The following CA12 variants were observed in gnomAD, a reference collection of about 807,000 sequenced individuals.
CA12 encodes the protein carbonate dehydratase XII.
Under a neutral mutation model 46.8 loss-of-function variants are expected in CA12, and 36 were observed. That is an observed-to-expected ratio of 0.77 (90% CI 0.59 to 1.02). CA12 has a LOEUF of 1.02. Among genes scored for constraint, CA12 ranks in the 50% least tolerant of loss-of-function variants. The pLI is 0.00. For synonymous variants in CA12, 202 were observed against 187.0 expected (o/e 1.08, Z -0.65); for missense variants, 436 against 451.4 (o/e 0.97, Z 0.31).
Position 63,330,654 on chromosome 15 carries a change from CAA to C in CA12, c.875-2526_875-2525del, listed in dbSNP as rs2038926380. The stretch of plus-strand genomic sequence containing the variant: ...TCATGCCTGGTCTTGGGGAGCTGAG[CAA>C]AGTCTATGGAGAGCAAGGCCCCAGC... On this transcript the variant is annotated intron_variant, in intron 8 of 10. Transcript: ENST00000178638. The surrounding 1 kb of genome is among the most constrained non-coding windows in gnomAD (Gnocchi z 4.0). Among the ~76,000 whole-genome samples the C allele has an allele frequency of 6.6e-6, 1 of 152,128 alleles. No homozygotes were observed. Among genetic ancestry groups the C allele is most frequent in the African/African-American group, 2.4e-5 (1 of 41,424 alleles).
chr15:63,326,738 G>T (rs935058736), intron 10 of CA12, among the ~76,000 whole-genome samples: 1 of 152,084 alleles, frequency 6.6e-6, no homozygotes, highest in Non-Finnish European at 1.5e-5. Flanking sequence ...TGGACAAAGG[G>T]CATGAAGAGT....
chr15:63,333,562 C>A (rs1178237692), intron 8 of CA12, among the ~76,000 whole-genome samples: 1 of 152,108 alleles, frequency 6.6e-6, no homozygotes. Context: ...TTGGGAGAAT[C>A]GATGATATTC....
intron 8 of CA12, among the ~76,000 whole-genome samples, chr15:63,338,545 T>C (rs79788218): frequency 7.2e-4 from 109 of 152,282 alleles, no homozygotes; most frequent in Non-Finnish European, 1.3e-3. Flanking sequence ...GGGAATTCTC[T>C]CTTACCCATC....
In CA12 at chr15:63,328,805, A is replaced by G. The variant is rs2038901008; in HGVS notation, c.875-675T>C. On this transcript the variant is annotated intron_variant, in intron 8 of 10. Coordinates refer to ENST00000178638, the MANE Select transcript of CA12 (RefSeq NM_001218.5). The surrounding 1 kb of genome is among the most constrained non-coding windows in gnomAD (Gnocchi z 5.9). ...AACCTCCACCTCCTGGGTTCAAGCA[A>G]TTCTCATGCCTCAGCCTCCCGAGCA... Among the ~76,000 whole-genome samples the G allele has an allele frequency of 3.3e-5, 5 of 152,070 alleles. No individual in the cohort carries two copies. The highest frequency in any genetic ancestry group is 3.3e-4 in the Admixed American group (5 of 15,270).
intron 2 of CA12, among the ~76,000 whole-genome samples, chr15:63,368,635 A>C (rs997866957): frequency 2.0e-5 from 3 of 152,142 alleles, no homozygotes; most frequent in Admixed American, 6.5e-5. Context: ...GCTCTTGCAG[A>C]AGCCATGCCC....
At chr15:63,354,883 C>T (rs1043024864) in intron 2 of CA12, among the ~76,000 whole-genome samples, 12 of 152,102 alleles carry the variant, frequency 7.9e-5, no homozygotes, top group East Asian at 1.9e-4. Context: ...CAATAATCCC[C>T]GTCTAATATT....
At position 63,355,496 on chromosome 15, in the gene CA12, C is replaced by T. The variant is rs974707976; in HGVS notation, c.107-8787G>A. Among the ~76,000 whole-genome samples the T allele has an allele frequency of 1.6e-4, 25 of 152,220 alleles. No homozygotes were observed. The highest frequency in any genetic ancestry group is 3.4e-4 in the Non-Finnish European group (23 of 68,032). ...GAACCGGACACTCTGGGGGTGGCGC[C>T]CAGCATCTGCCGTTGGACAAGGCTG... is the stretch of plus-strand genomic sequence containing the variant. On this transcript the variant is annotated intron_variant, in intron 2 of 10. Coordinates refer to ENST00000178638, the MANE Select transcript of CA12 (RefSeq NM_001218.5). The surrounding 1 kb of genome is among the most constrained non-coding windows in gnomAD (Gnocchi z 4.1).
intron 1 of CA12, among the ~76,000 whole-genome samples, chr15:63,377,401 A>T (rs1051725903): frequency 6.6e-6 from 1 of 152,178 alleles, no homozygotes; most frequent in Non-Finnish European, 1.5e-5. Flanking sequence ...AGTGACAAGC[A>T]ATCTGGTCAC....
Position 63,338,848 on chromosome 15 carries a change from T to C in CA12, c.845A>G (p.Glu282Gly). 2 of 1,614,148 alleles carry C rather than the reference T, an allele frequency of 1.2e-6. No homozygotes were observed. The highest frequency in any genetic ancestry group is 1.7e-6 in the Non-Finnish European group (2 of 1,180,026). ...NNFRQVQKFD[E>G]RLVYTSFSQV... ...GGAGAAGGAGGTGTATACCAGCCTC[T>C]CATCGAACTTCTGGACCTGCCGGAA... The change falls in exon 8 of 11, where the codon GAG (glutamate) becomes GGG (glycine). Residue 282 changes from glutamate (E) to glycine (G), a missense_variant. Glu to Gly is a moderately conservative substitution (Grantham distance 98). Transcript: ENST00000178638.
rs1193359196 is a variant in CA12, at chr15:63,375,757, A to G, written c.86-79T>C. 3 of 1,033,714 alleles carry G rather than the reference A, an allele frequency of 2.9e-6. No individual in the cohort carries two copies. The South Asian group carries it at 4.2e-5, about 15-fold the overall frequency. 64.0% of individuals were successfully genotyped at this position (1,033,714 alleles called of 1,614,324 possible). Reference sequence around the variant, plus strand: ...AAAACACTACAGATTTTGTTTTGATATGAGCGAAATTGAAAAGGAGGTCGA... The same window carrying G: ...AAAACACTACAGATTTTGTTTTGATGTGAGCGAAATTGAAAAGGAGGTCGA... On this transcript the variant is annotated intron_variant, in intron 1 of 10. Coordinates refer to ENST00000178638, the MANE Select transcript of CA12 (RefSeq NM_001218.5).
chr15:63,332,949 T>C (rs954471439), intron 8 of CA12, among the ~76,000 whole-genome samples: 4 of 152,246 alleles, frequency 2.6e-5, no homozygotes, highest in African/African-American at 9.6e-5. Context: ...ATGTACGTAT[T>C]GTTCTTTTTC....
chr15:63,321,734 AG>A lies in CA12; in HGVS notation c.*4550del. ...GGGCACTCCTGTGTGTGTAGGGGCG[AG>A]GGGGTGGCGGTGCCAGGGTCCTGCA... On this transcript the variant is annotated 3_prime_UTR_variant, in exon 11 of 11. Coordinates refer to ENST00000178638, the MANE Select transcript of CA12 (RefSeq NM_001218.5). The surrounding 1 kb of genome is among the most constrained non-coding windows in gnomAD (Gnocchi z 4.5). 6.6e-6 allele frequency: 1 copy of A among 151,446 alleles called. No homozygotes were observed. Among genetic ancestry groups the A allele is most frequent in the Non-Finnish European group, 1.5e-5 (1 of 67,754 alleles). The allele number at this position is 151,446 out of a possible 1,614,324, so 9.4% of individuals were successfully genotyped here. A position where few individuals can be genotyped will look rare whatever the true frequency, so the allele number is the denominator to read the frequency against.
chr15:63,367,140 C>G (rs535791858), intron 2 of CA12, among the ~76,000 whole-genome samples: 27 of 152,250 alleles, frequency 1.8e-4, no homozygotes, highest in Admixed American at 5.9e-4. Context: ...AGGCTGGTCT[C>G]AAACTCCTGA....
In CA12 at chr15:63,378,296, G is replaced by A. The variant is rs2039602858; in HGVS notation, c.86-2618C>T. On this transcript the variant is annotated intron_variant, in intron 1 of 10. Transcript: ENST00000178638. The surrounding 1 kb of genome is among the most constrained non-coding windows in gnomAD (Gnocchi z 4.8). ...CCAGCTGCTGGGGAGGCTGAGGCAG[G>A]AGAATTGCTTGAACCCGGGAGGCGG... is the stretch of plus-strand genomic sequence containing the variant. Among the ~76,000 whole-genome samples the A allele has an allele frequency of 6.6e-6, 1 of 152,202 alleles. No homozygotes were observed. Among genetic ancestry groups the A allele is most frequent in the Non-Finnish European group, 1.5e-5 (1 of 68,040 alleles).
In CA12 at chr15:63,340,125, C is replaced by T. The variant is rs1215843224; in HGVS notation, c.747+163G>A. On this transcript the variant is annotated intron_variant, in intron 7 of 10. Transcript: ENST00000178638. This position sits in a 1 kb window ranked among gnomAD's most constrained non-coding sequence, Gnocchi z 4.4. The stretch of plus-strand genomic sequence containing the variant: ...TAGCTTGACTTCTTTTGAAGCTCAG[C>T]CTGGAATTTCTGCGGTGCTTTCAGA... 7 of 816,344 alleles carry T rather than the reference C, an allele frequency of 8.6e-6. No homozygotes were observed. In the East Asian group the frequency reaches 1.9e-4, roughly 22 times the overall value. 50.6% of individuals were successfully genotyped at this position (816,344 alleles called of 1,614,324 possible). A position where few individuals can be genotyped will look rare whatever the true frequency, so the allele number is the denominator to read the frequency against.
chr15:63,345,710 C>T lies in CA12; in HGVS notation c.287-91G>A. 2 of 1,487,230 alleles carry T rather than the reference C, an allele frequency of 1.3e-6. No homozygotes were observed. The highest frequency in any genetic ancestry group is 9.1e-7 in the Non-Finnish European group (1 of 1,100,986). 92.1% of individuals were successfully genotyped at this position (1,487,230 alleles called of 1,614,324 possible). On this transcript the variant is annotated intron_variant, in intron 3 of 10. Transcript: ENST00000178638. The surrounding 1 kb of genome is among the most constrained non-coding windows in gnomAD (Gnocchi z 4.3). ...GTAGGCAATGCTCCCTCCACCCCTG[C>T]TGCCACCCCCTGGAGCCCAGAGAGA...
In CA12 at chr15:63,345,431, C is replaced by T. The variant is rs758539327; in HGVS notation, c.429+46G>A. On this transcript the variant is annotated intron_variant, in intron 4 of 10. Coordinates refer to ENST00000178638, the MANE Select transcript of CA12 (RefSeq NM_001218.5). The surrounding 1 kb of genome is among the most constrained non-coding windows in gnomAD (Gnocchi z 4.3). ...GCAGCCAGGTCGAGAAGGTGCCACA[C>T]CACCCACTGCAGAGCAGCCTCTGCC... is the stretch of plus-strand genomic sequence containing the variant. The T allele has an allele frequency of 1.3e-6, 2 of 1,599,782 alleles. No individual in the cohort carries two copies. The highest frequency in any genetic ancestry group is 1.7e-6 in the Non-Finnish European group (2 of 1,179,160).
At chr15:63,326,828 TAAG>T (rs1219100486) in intron 10 of CA12, among the ~76,000 whole-genome samples, 1 of 152,228 alleles carries the variant, frequency 6.6e-6, no homozygotes, top group African/African-American at 2.4e-5. Context: ...AAGATCTTGA[TAAG>T]AAGACAGCCT....
chr15:63,381,562 T>C lies in CA12; in HGVS notation c.85+74A>G, dbSNP rs1567058740. The C allele has an allele frequency of 1.8e-5, 22 of 1,204,822 alleles. No homozygotes were observed. The South Asian group carries it at 2.7e-4, about 15-fold the overall frequency. The allele number at this position is 1,204,822 out of a possible 1,614,324, so 74.6% of individuals were successfully genotyped here. On this transcript the variant is annotated intron_variant, in intron 1 of 10. Coordinates refer to ENST00000178638, the MANE Select transcript of CA12 (RefSeq NM_001218.5). The stretch of plus-strand genomic sequence containing the variant: ...TCCCCGCAGCAATGATTTTACTTTA[T>C]CATTGAAGAGCCTTCAGCCCAGGGG...
Sources: allele counts gnomAD v4.1 joint callset (sites outside exome capture counted in the v4.1 genomes callset), GRCh38; gene constraint gnomAD v4.1.1; non-coding constraint Gnocchi (gnomAD v3.1); transcripts MANE v1.5; gene names NCBI Gene and HGNC (gene_info 2026-07-23, HGNC 2026-07-21).